TPO: variants seen among roughly 807,000 people sequenced by gnomAD.
The protein encoded by TPO is thyroid microsomal antigen.
In TPO, 78 loss-of-function variants were observed where a neutral mutation model predicts 96.9. The observed-to-expected ratio is 0.81, with a 90% CI of 0.67 to 0.97. The LOEUF (loss-of-function observed/expected upper bound fraction) is 0.97. Ranked by LOEUF, TPO falls within the 50% of genes least tolerant of loss-of-function variation. The pLI is 0.00. For missense variants in TPO, 1,252 were observed against 1,274.8 expected, an observed-to-expected ratio of 0.98 and a Z score of 0.27; for synonymous variants, 547 against 538.0, an observed-to-expected ratio of 1.02 and a Z score of -0.23.
At chr2:1,465,947 G>A (rs973844175) in intron 7 of TPO, among the ~76,000 whole-genome samples, 1 of 152,132 alleles carries the variant, frequency 6.6e-6, no homozygotes, top group Non-Finnish European at 1.5e-5. Flanking sequence ...GGAGTGGTGA[G>A]AGTAGGCATC....
intron 14 of TPO, among the ~76,000 whole-genome samples, chr2:1,512,158 C>T (rs904613559): frequency 1.3e-5 from 2 of 152,104 alleles, no homozygotes; most frequent in African/African-American, 4.8e-5. Flanking sequence ...CTCAGCCTCC[C>T]GAGTAGCTGG....
At chr2:1,436,843 C>A (rs902141017) in intron 5 of TPO, among the ~76,000 whole-genome samples, 2 of 152,218 alleles carry the variant, frequency 1.3e-5, no homozygotes, top group African/African-American at 4.8e-5. Flanking sequence ...GTGGTCCCCT[C>A]ACTGGTTCTC....
intron 15 of TPO, among the ~76,000 whole-genome samples, chr2:1,538,978 G>C (rs528224740): frequency 3.9e-5 from 6 of 152,020 alleles, no homozygotes; most frequent in African/African-American, 1.2e-4. Flanking sequence ...TCTCCCCTGC[G>C]TGTCTGTATT....
chr2:1,542,649 A>G lies in TPO; in HGVS notation c.*175A>G. 6.5e-7 allele frequency: 1 copy of G among 1,536,828 alleles called. No homozygotes were observed. Among genetic ancestry groups the G allele is most frequent in the Non-Finnish European group, 8.8e-7 (1 of 1,136,120 alleles). On this transcript the variant is annotated 3_prime_UTR_variant, in exon 17 of 17. Transcript: ENST00000329066. ...ATGGATGAATAAATGTTATAGCTGC[A>G]TTTGTCTGGCCTTTTCTTGTAAACA...
At chr2:1,415,024 C>T (rs1248678682) in intron 2 of TPO, among the ~76,000 whole-genome samples, 12 of 152,252 alleles carry the variant, frequency 7.9e-5, no homozygotes, top group Non-Finnish European at 1.2e-4. Flanking sequence ...ACCCCATGGA[C>T]ACCGCTGGCC....
At chr2:1,518,454 C>T (rs572040920) in intron 15 of TPO, among the ~76,000 whole-genome samples, 6 of 152,200 alleles carry the variant, frequency 3.9e-5, no homozygotes, top group Non-Finnish European at 8.8e-5. Flanking sequence ...TAAGGGAAGA[C>T]TCTGTACCTG....
At chr2:1,473,650 G>T (rs912630902) in intron 7 of TPO, among the ~76,000 whole-genome samples, 3 of 152,036 alleles carry the variant, frequency 2.0e-5, no homozygotes, top group African/African-American at 7.2e-5. Flanking sequence ...AGAGAGAAAT[G>T]ATCTTTTCCC....
At chr2:1,494,274 T>A (rs1365903012) in intron 11 of TPO, among the ~76,000 whole-genome samples, 1 of 152,222 alleles carries the variant, frequency 6.6e-6, no homozygotes, top group African/African-American at 2.4e-5. Flanking sequence ...AGCACTGATT[T>A]TTCCTAGATC....
At chr2:1,537,446 A>G (rs1680023052) in intron 15 of TPO, among the ~76,000 whole-genome samples, 1 of 120,930 alleles carries the variant, frequency 8.3e-6, no homozygotes, top group Non-Finnish European at 1.8e-5. Context: ...AAACTCCCAA[A>G]TCTCCCCACT....
intron 1 of TPO, among the ~76,000 whole-genome samples, chr2:1,402,551 G>A (rs1183371441): frequency 6.6e-6 from 1 of 152,158 alleles, no homozygotes; most frequent in Non-Finnish European, 1.5e-5. Flanking sequence ...TAAAGGAAAA[G>A]AGGGTTAATG....
At chr2:1,512,140 T>C (rs1674208300) in intron 14 of TPO, among the ~76,000 whole-genome samples, 1 of 152,066 alleles carries the variant, frequency 6.6e-6, no homozygotes. Context: ...TTCACGCCAT[T>C]CTCCTGCCTC....
In TPO at chr2:1,455,837, T is replaced by C. The variant is rs1667736055; in HGVS notation, c.613-239T>C. ...AACTTACAGATGAGGAAGTGAGGGC[T>C]GAGGGAAGTTAATGCCAGGCCCTCC... On this transcript the variant is annotated intron_variant, in intron 6 of 16. Transcript: ENST00000329066. Among the ~76,000 whole-genome samples the C allele has an allele frequency of 2.6e-5, 4 of 152,132 alleles. No homozygotes were observed. In the South Asian group the frequency reaches 8.3e-4, roughly 32 times the overall value.
intron 14 of TPO, among the ~76,000 whole-genome samples, chr2:1,512,178 C>T (rs1034445370): frequency 2.6e-5 from 4 of 152,108 alleles, no homozygotes; most frequent in Non-Finnish European, 5.9e-5. Context: ...GGACTACAGG[C>T]GCCCGCCACC....
intron 15 of TPO, among the ~76,000 whole-genome samples, chr2:1,534,130 TCCC>T (rs376679715): frequency 0.32 from 7,823 of 24,728 alleles, 1,426 homozygotes; most frequent in Admixed American, 0.35. Flanking sequence ...CCTCCCCAAA[TCCC>T]CCCAACTGTT....
intron 7 of TPO, among the ~76,000 whole-genome samples, chr2:1,461,820 G>A (rs568920864): frequency 1.3e-5 from 2 of 152,256 alleles, no homozygotes; most frequent in Middle Eastern, 3.4e-3. Context: ...CTGCTGACAT[G>A]CGGACCCTGT....
upstream of TPO, among the ~76,000 whole-genome samples, chr2:1,412,607 G>A (rs138190061): frequency 2.0e-5 from 3 of 151,956 alleles, no homozygotes; most frequent in African/African-American, 4.8e-5. Context: ...CCTTTGCATC[G>A]TGTTTTAGCA....
At position 1,484,464 on chromosome 2, in the gene TPO, G is replaced by A. The variant is rs894100590; in HGVS notation, c.1339-132G>A. The A allele has an allele frequency of 9.8e-5, 113 of 1,155,578 alleles. No homozygotes were observed. The African/African-American group carries it at 1.6e-3, about 16-fold the overall frequency. The allele number at this position is 1,155,578 out of a possible 1,614,324, so 71.6% of individuals were successfully genotyped here. A position where few individuals can be genotyped will look rare whatever the true frequency, so the allele number is the denominator to read the frequency against. On this transcript the variant is annotated intron_variant, in intron 8 of 16. Coordinates refer to ENST00000329066, the MANE Select transcript of TPO (RefSeq NM_001206744.2). ...AGGCATTTCTGGGAAGTTCAGCTGA[G>A]GCCCTTATTACAAGACGAGAAGGGT...
In TPO at chr2:1,436,340, C is replaced by A. The variant is rs1483767054; in HGVS notation, c.438C>A (p.Cys146Ter). The A allele has an allele frequency of 6.2e-7, 1 of 1,614,202 alleles. No homozygotes were observed. The highest frequency in any genetic ancestry group is 8.5e-7 in the Non-Finnish European group (1 of 1,180,030). The change falls in exon 5 of 17, where the codon TGC becomes TGA. Residue 146 changes from cysteine to a stop codon, truncating the protein, a stop_gained. Coordinates refer to ENST00000329066, the MANE Select transcript of TPO (RefSeq NM_001206744.2). LOFTEE classifies it high-confidence loss of function. ...YMLPPKCPNT[C>*]LANKYRPITG... Reference sequence around the variant, plus strand: ...TGCCCCCAAAATGCCCAAACACTTGCCTGGCGAACAAATACAGGCCCATCA... The same window carrying A: ...TGCCCCCAAAATGCCCAAACACTTGACTGGCGAACAAATACAGGCCCATCA...
At chr2:1,523,988 C>T (rs1442223207) in intron 15 of TPO, among the ~76,000 whole-genome samples, 1 of 113,230 alleles carries the variant, frequency 8.8e-6, no homozygotes, top group Non-Finnish European at 1.8e-5. Context: ...CAAATCCCCC[C>T]TACTCTCTGC....
Sources: allele counts gnomAD v4.1 joint callset (sites outside exome capture counted in the v4.1 genomes callset), GRCh38; gene constraint gnomAD v4.1.1; transcripts MANE v1.5; gene names NCBI Gene and HGNC (gene_info 2026-07-23, HGNC 2026-07-21).